KCNQ3: variants seen among roughly 807,000 people sequenced by gnomAD.
KCNQ3 encodes potassium voltage-gated channel subfamily Q member 3.
In KCNQ3, 30 loss-of-function variants were observed where a neutral mutation model predicts 92.5. That is an observed-to-expected ratio of 0.32 (90% CI 0.24 to 0.44). The LOEUF is 0.44. KCNQ3 is among the 20% of genes least tolerant of loss of function. The pLI, the probability that KCNQ3 is intolerant of heterozygous loss-of-function variation, is 1.00. For synonymous variants in KCNQ3, 450 were observed against 468.8 expected (o/e 0.96, Z 0.52); for missense variants, 913 against 1,140.3 (o/e 0.80, Z 2.87).
At chr8:132,288,231 C>T (rs1816733352) in intron 1 of KCNQ3, among the ~76,000 whole-genome samples, 1 of 152,170 alleles carries the variant, frequency 6.6e-6, no homozygotes, top group Non-Finnish European at 1.5e-5. Context: ...AAAGTTATTC[C>T]CTAATAAAAT....
chr8:132,346,408 G>A (rs1313386840), intron 1 of KCNQ3, among the ~76,000 whole-genome samples: 1 of 152,202 alleles, frequency 6.6e-6, no homozygotes, highest in Non-Finnish European at 1.5e-5. Flanking sequence ...CTGGAGCCTA[G>A]AGAGGCGGAG....
At chr8:132,338,985 C>T (rs1021524879) in intron 1 of KCNQ3, among the ~76,000 whole-genome samples, 3 of 152,124 alleles carry the variant, frequency 2.0e-5, no homozygotes, top group African/African-American at 7.2e-5. Flanking sequence ...GAAGAGAGAC[C>T]ACAGGGCAAA....
At chr8:132,159,047 A>G (rs1769922522) in intron 9 of KCNQ3, among the ~76,000 whole-genome samples, 1 of 152,214 alleles carries the variant, frequency 6.6e-6, no homozygotes, top group South Asian at 2.1e-4. Context: ...ACAGTTATCT[A>G]TTTTGAGAAT....
Position 132,323,148 on chromosome 8 carries a change from G to T in KCNQ3, c.387-136967C>A, listed in dbSNP as rs117465121. On this transcript the variant is annotated intron_variant, in intron 1 of 14. Transcript: ENST00000388996. Reference sequence around the variant, plus strand: ...GACCCTATGCCAAGCACTGAGGCCCGCACTCTTTATTAACAGCTCAGTGCC... The same window carrying T: ...GACCCTATGCCAAGCACTGAGGCCCTCACTCTTTATTAACAGCTCAGTGCC... Among the ~76,000 whole-genome samples the T allele has an allele frequency of 5.5e-3, 843 of 152,248 alleles. 4 individuals carry two copies. The highest frequency in any genetic ancestry group is 9.5e-3 in the Non-Finnish European group (644 of 68,016).
At chr8:132,459,854 C>A (rs1822023540) in intron 1 of KCNQ3, among the ~76,000 whole-genome samples, 1 of 151,030 alleles carries the variant, frequency 6.6e-6, no homozygotes, top group Admixed American at 6.6e-5. Context: ...TGGAATTATT[C>A]TTACAGGAGA....
chr8:132,472,823 T>G (rs1321793016), intron 1 of KCNQ3, among the ~76,000 whole-genome samples: 1 of 152,216 alleles, frequency 6.6e-6, no homozygotes, highest in Non-Finnish European at 1.5e-5. Context: ...CCAAACACCT[T>G]GACTTCATTG....
chr8:132,455,835 G>A (rs549882516), intron 1 of KCNQ3, among the ~76,000 whole-genome samples: 2 of 152,086 alleles, frequency 1.3e-5, no homozygotes, highest in Middle Eastern at 3.4e-3. Context: ...TCCGCCTCCC[G>A]AGTTCACGCC....
At chr8:132,172,370 A>G (rs984325604) in intron 7 of KCNQ3, among the ~76,000 whole-genome samples, 1 of 150,892 alleles carries the variant, frequency 6.6e-6, no homozygotes, top group East Asian at 1.9e-4. Context: ...ATGTGCAAGC[A>G]GGCCTGCTCC....
chr8:132,147,395 G>GA (rs1407997377), intron 9 of KCNQ3, among the ~76,000 whole-genome samples: 2 of 152,192 alleles, frequency 1.3e-5, no homozygotes, highest in Admixed American at 6.5e-5. Flanking sequence ...CAAGTGTGGA[G>GA]AAAAAATCAA....
chr8:132,122,352 G>A lies in KCNQ3; in HGVS notation c.*6910C>T, dbSNP rs1824503140. 6.6e-6 allele frequency: 1 copy of A among 152,174 alleles called. No individual in the cohort carries two copies. The highest frequency in any genetic ancestry group is 1.9e-4 in the East Asian group (1 of 5,188). The allele number at this position is 152,174 out of a possible 1,614,324, so 9.4% of individuals were successfully genotyped here. A position where few individuals can be genotyped will look rare whatever the true frequency, so the allele number is the denominator to read the frequency against. On this transcript the variant is annotated 3_prime_UTR_variant, in exon 15 of 15. Transcript: ENST00000388996. Reference sequence around the variant, plus strand: ...CCCTTCCCTGACCTCACTTTTGTGGGCAGAGGAAGAGAAGGGAACATTAAC... The same window carrying A: ...CCCTTCCCTGACCTCACTTTTGTGGACAGAGGAAGAGAAGGGAACATTAAC...
intron 1 of KCNQ3, among the ~76,000 whole-genome samples, chr8:132,392,339 C>G (rs1820069407): frequency 1.3e-5 from 2 of 152,220 alleles, no homozygotes; most frequent in South Asian, 4.2e-4. Flanking sequence ...GGCCCCCGAG[C>G]CCTGCCCCAG....
rs1824579667 is a variant in KCNQ3, at chr8:132,123,972, C to A, written c.*5290G>T. On this transcript the variant is annotated 3_prime_UTR_variant, in exon 15 of 15. Coordinates refer to ENST00000388996, the MANE Select transcript of KCNQ3 (RefSeq NM_004519.4). ...CATTGCTAGGGTGTTGTCTGATAGC[C>A]ACCATGCACAGTTGACTTTCCTTGG... 6.6e-6 allele frequency: 1 copy of A among 152,150 alleles called. No homozygotes were observed. The highest frequency in any genetic ancestry group is 6.5e-5 in the Admixed American group (1 of 15,270). 9.4% of individuals were successfully genotyped at this position (152,150 alleles called of 1,614,324 possible).
intron 1 of KCNQ3, among the ~76,000 whole-genome samples, chr8:132,291,571 CAAT>C (rs1328634061): frequency 1.3e-5 from 2 of 152,178 alleles, no homozygotes; most frequent in Non-Finnish European, 2.9e-5. Flanking sequence ...TTAGCTCAGA[CAAT>C]AATATTCCCA....
intron 1 of KCNQ3, among the ~76,000 whole-genome samples, chr8:132,221,009 C>T (rs1277321821): frequency 1.3e-5 from 2 of 152,072 alleles, no homozygotes; most frequent in Admixed American, 6.6e-5. Context: ...ATGCTCCCCA[C>T]CCTGTGTCCA....
chr8:132,232,250 T>C (rs1814667908), intron 1 of KCNQ3, among the ~76,000 whole-genome samples: 1 of 152,184 alleles, frequency 6.6e-6, no homozygotes, highest in South Asian at 2.1e-4. Flanking sequence ...AATGGGCACA[T>C]AGATCACCAA....
At chr8:132,303,047 C>G (rs1817271109) in intron 1 of KCNQ3, among the ~76,000 whole-genome samples, 1 of 152,122 alleles carries the variant, frequency 6.6e-6, no homozygotes, top group Admixed American at 6.5e-5. Context: ...ATACTCCCAG[C>G]CAGAGCTATT....
intron 1 of KCNQ3, among the ~76,000 whole-genome samples, chr8:132,261,631 C>A (rs560252464): frequency 1.3e-5 from 2 of 152,136 alleles, no homozygotes; most frequent in South Asian, 4.1e-4. Context: ...CAGGAGCAGA[C>A]GTGACTGAGA....
chr8:132,305,444 C>T lies in KCNQ3; in HGVS notation c.387-119263G>A, dbSNP rs187179176. Among the ~76,000 whole-genome samples, 53 of 152,308 alleles carry T rather than the reference C, an allele frequency of 3.5e-4. 1 individual carries two copies. The Middle Eastern group carries it at 0.01, about 29-fold the overall frequency. The stretch of plus-strand genomic sequence containing the variant: ...ACCCCACAATCTTACAAGTACCTTC[C>T]CTAACTCCCCTTTTTTGAGACATTC... On this transcript the variant is annotated intron_variant, in intron 1 of 14. Transcript: ENST00000388996.
intron 1 of KCNQ3, among the ~76,000 whole-genome samples, chr8:132,241,363 T>C (rs1379131287): frequency 6.6e-6 from 1 of 152,108 alleles, no homozygotes; most frequent in Non-Finnish European, 1.5e-5. Context: ...TGTTATGCAA[T>C]GGAATTATTT....
Sources: gnomAD v4.1 joint callset for allele counts (sites outside exome capture counted in the v4.1 genomes callset) on GRCh38, gnomAD v4.1.1 for gene constraint, MANE v1.5 for transcripts, NCBI Gene and HGNC (gene_info 2026-07-23, HGNC 2026-07-21) for gene names.